Variants in CP observed in about 807,000 individuals in gnomAD.
CP encodes the protein caeruloplasmin.
In CP, 64 loss-of-function variants were observed where a neutral mutation model predicts 122.4. The observed-to-expected ratio is 0.52, with a 90% CI of 0.43 to 0.64. The LOEUF is 0.64. Among genes scored for constraint, CP ranks in the 30% least tolerant of loss-of-function variants. The probability of loss-of-function intolerance (pLI) is 0.00; values close to 1 mark genes in which losing one functional copy is unlikely to be tolerated. For missense variants in CP, 1,167 were observed against 1,284.4 expected (o/e 0.91, Z 1.40); for synonymous variants, 440 against 436.4 (o/e 1.01, Z -0.10).
chr3:149,182,424 A>G (rs897274209), intron 13 of CP, among the ~76,000 whole-genome samples: 6 of 152,072 alleles, frequency 3.9e-5, no homozygotes, highest in African/African-American at 1.4e-4. Context: ...TACCCCTCTC[A>G]TTTCTACCCT....
intron 11 of CP, 143 bp downstream of exon 11, chr3:149,186,377 A>T: frequency 1.3e-6 from 1 of 765,912 alleles, no homozygotes; most frequent in Non-Finnish European, 2.3e-6. Context: ...ATAGTGGCCT[A>T]GACTTGCTCT....
intron 18 of CP, chr3:149,175,984 A>G (rs1276464497): frequency 4.5e-6 from 2 of 442,380 alleles, no homozygotes; most frequent in Admixed American, 3.8e-5. Context: ...ACTCCCTTAT[A>G]TCAGCTTTAA....
downstream of CP, among the ~76,000 whole-genome samples, chr3:149,169,645 C>T (rs1724784594): frequency 6.6e-6 from 1 of 152,172 alleles, no homozygotes; most frequent in Admixed American, 6.5e-5. Flanking sequence ...AAAAATGTCT[C>T]CAGATGTTGC....
intron 9 of CP, among the ~76,000 whole-genome samples, chr3:149,193,692 A>T (rs2108258922): frequency 6.6e-6 from 1 of 152,322 alleles, no homozygotes; most frequent in African/African-American, 2.4e-5. Context: ...TTTAGACAAG[A>T]TAACCATTCC....
At chr3:149,184,687 A>T (rs908984316) in intron 12 of CP, among the ~76,000 whole-genome samples, 8 of 152,332 alleles carry the variant, frequency 5.3e-5, no homozygotes, top group Middle Eastern at 6.8e-3. Flanking sequence ...ATTCATACAG[A>T]ATTTATTTTG....
At chr3:149,165,435 C>T (rs1387656493) in intron 5 of CP, among the ~76,000 whole-genome samples, 1 of 151,756 alleles carries the variant, frequency 6.6e-6, no homozygotes, top group Non-Finnish European at 1.5e-5. Flanking sequence ...ATTAAAGGAG[C>T]AAAATCTTTG....
intron 1 of CP, among the ~76,000 whole-genome samples, chr3:149,214,485 A>G (rs558226267): frequency 4.4e-4 from 67 of 152,350 alleles, no homozygotes; most frequent in African/African-American, 1.6e-3. Context: ...TTCACTAAAA[A>G]AATGACTGAG....
intron 9 of CP, among the ~76,000 whole-genome samples, chr3:149,195,211 T>A (rs532941398): frequency 6.6e-5 from 10 of 152,364 alleles, no homozygotes; most frequent in African/African-American, 1.9e-4. Flanking sequence ...ACACAGATGA[T>A]CTCATGTATA....
intron 4 of CP, among the ~76,000 whole-genome samples, chr3:149,208,263 C>T (rs564634911): frequency 1.3e-5 from 2 of 152,058 alleles, no homozygotes; most frequent in South Asian, 2.1e-4. Flanking sequence ...ACTGGGTGGC[C>T]CTAAAAATTT....
At chr3:149,207,074 G>A (rs1727779844) in intron 5 of CP, among the ~76,000 whole-genome samples, 1 of 152,064 alleles carries the variant, frequency 6.6e-6, no homozygotes, top group Admixed American at 6.6e-5. Context: ...AATTTTTCTG[G>A]ATGTTACAAC....
chr3:149,211,365 G>C (rs1728087003), intron 2 of CP, among the ~76,000 whole-genome samples: 1 of 152,158 alleles, frequency 6.6e-6, no homozygotes, highest in African/African-American at 2.4e-5. Flanking sequence ...AACTGAAGCT[G>C]AAAGAACTTA....
chr3:149,169,489 A>T (rs1724765999), downstream of CP, among the ~76,000 whole-genome samples: 1 of 152,152 alleles, frequency 6.6e-6, no homozygotes, highest in South Asian at 2.1e-4. Flanking sequence ...AGGAGTTTGG[A>T]TTTCTTATCT....
chr3:149,166,126 G>A (rs1724391594), intron 4 of CP: 2 of 405,916 alleles, frequency 4.9e-6, no homozygotes, highest in Non-Finnish European at 9.8e-6. Context: ...AAGGGAAAGT[G>A]GAGATTATTT....
In CP at chr3:149,199,862, G is replaced by A; in HGVS notation, c.1351C>T (p.Pro451Ser). Reference protein sequence around the residue: ...PEEEHLGILGPVIWAEVGDTI... With the variant: ...PEEEHLGILGSVIWAEVGDTI... ...TCTCCCACCTCTGCCCAAATGACAG[G>A]ACCTGGGAACAAAGAGAGAATTATT... The change falls in exon 8 of 19, where the codon CCT (proline) becomes TCT (serine). Residue 451 changes from proline to serine, a missense_variant and splice_region_variant. Coordinates refer to ENST00000264613, the MANE Select transcript of CP (RefSeq NM_000096.4). The A allele has an allele frequency of 8.1e-6, 13 of 1,613,946 alleles. No individual in the cohort carries two copies. Among genetic ancestry groups the A allele is most frequent in the Non-Finnish European group, 1.1e-5 (13 of 1,179,876 alleles).
chr3:149,203,417 C>T (rs994513056), intron 6 of CP, among the ~76,000 whole-genome samples: 2 of 152,084 alleles, frequency 1.3e-5, no homozygotes, highest in African/African-American at 4.8e-5. Flanking sequence ...GCATATGCCA[C>T]CATGCTCAGC....
chr3:149,183,843 G>A (rs1725952014), intron 12 of CP, among the ~76,000 whole-genome samples: 1 of 151,902 alleles, frequency 6.6e-6, no homozygotes, highest in South Asian at 2.1e-4. Context: ...CCTGCCACTA[G>A]TGAAAATTTC....
intron 5 of CP, among the ~76,000 whole-genome samples, chr3:149,164,607 C>T (rs1006730391): frequency 1.3e-5 from 2 of 152,180 alleles, no homozygotes; most frequent in African/African-American, 4.8e-5. Flanking sequence ...TTTCTTTGGT[C>T]TTCCCAGTGT....
rs186154881 is a variant in CP at position 149,175,801 on chromosome 3, G to A, written c.3181+449C>T. ...ATCGGTAAGGTTCCTCCTTCCCCTT[G>A]GAAGCACAGAAAAGACACTGCCTAT... On this transcript the variant is annotated intron_variant, in intron 18 of 18. Coordinates refer to ENST00000264613, the MANE Select transcript of CP (RefSeq NM_000096.4). Among the ~76,000 whole-genome samples the A allele has an allele frequency of 5.8e-4, 88 of 151,904 alleles. 1 individual carries two copies. The highest frequency in any genetic ancestry group is 5.4e-3 in the Admixed American group (83 of 15,230).
chr3:149,205,984 A>C (rs889042107), intron 6 of CP, among the ~76,000 whole-genome samples, 184 bp downstream of exon 6: 1 of 152,176 alleles, frequency 6.6e-6, no homozygotes, highest in Non-Finnish European at 1.5e-5. Context: ...ATCTTTTTTC[A>C]TGGACTCAAA....
Sources: gnomAD v4.1 joint callset for allele counts (sites outside exome capture counted in the v4.1 genomes callset) on GRCh38, gnomAD v4.1.1 for gene constraint, MANE v1.5 for transcripts, NCBI Gene and HGNC (gene_info 2026-07-23, HGNC 2026-07-21) for gene names.